GRID1: variants seen among roughly 807,000 people sequenced by gnomAD.
The protein encoded by GRID1 is glutamate ionotropic receptor delta type subunit 1, also known as glutamate receptor ionotropic, delta-1.
In GRID1, 28 loss-of-function variants were observed where a neutral mutation model predicts 98.0. That is an observed-to-expected ratio of 0.29 (90% confidence interval 0.21 to 0.39). The LOEUF (loss-of-function observed/expected upper bound fraction) is 0.39, where lower values mean the gene tolerates loss of function less well. Among genes scored for constraint, GRID1 ranks in the 10% least tolerant of loss-of-function variants. The pLI is 1.00. For missense variants in GRID1, 1,111 were observed against 1,340.5 expected (o/e 0.83, Z 2.67); for synonymous variants, 553 against 538.5 (o/e 1.03, Z -0.37).
intron 2 of GRID1, among the ~76,000 whole-genome samples, chr10:86,360,506 T>C (rs11201996): frequency 0.27 from 40,819 of 152,188 alleles, 6,355 homozygotes; most frequent in South Asian, 0.47. Context: ...ATTTCTTTTA[T>C]AATCAGGGAA....
chr10:85,679,981 G>A lies in GRID1; in HGVS notation c.1998-32584C>T, dbSNP rs370203384. ...CAGTCACGGAAAGAGTCCTGAGGCCGTGGGCAGGGCATCTCAGGCTCCTAT... is the reference window on the plus strand; with the variant it reads ...CAGTCACGGAAAGAGTCCTGAGGCCATGGGCAGGGCATCTCAGGCTCCTAT... On this transcript the variant is annotated intron_variant, in intron 12 of 15. Coordinates refer to ENST00000327946, the MANE Select transcript of GRID1 (RefSeq NM_017551.3). 9.9e-5 allele frequency among the ~76,000 whole-genome samples: 15 copies of A among 152,254 alleles called. No individual in the cohort carries two copies. The East Asian group carries it at 1.7e-3, about 18-fold the overall frequency.
At chr10:85,804,292 A>G (rs1842602827) in intron 8 of GRID1, among the ~76,000 whole-genome samples, 1 of 151,880 alleles carries the variant, frequency 6.6e-6, no homozygotes, top group East Asian at 1.9e-4. Flanking sequence ...AGTGAAAAAA[A>G]AAGTTTTGAG....
intron 13 of GRID1, among the ~76,000 whole-genome samples, chr10:85,639,961 A>G (rs1374900273): frequency 6.6e-6 from 1 of 152,256 alleles, no homozygotes; most frequent in Admixed American, 6.5e-5. Flanking sequence ...ACCTTGTGCT[A>G]CAATCGACAC....
chr10:85,952,138 C>T (rs1282139916), intron 4 of GRID1, among the ~76,000 whole-genome samples: 5 of 152,228 alleles, frequency 3.3e-5, no homozygotes, highest in African/African-American at 9.6e-5. Flanking sequence ...ACAGTGCCTA[C>T]ATGGGAATGG....
intron 8 of GRID1, among the ~76,000 whole-genome samples, chr10:85,731,909 AAG>A (rs1841829727): frequency 1.5e-5 from 2 of 129,226 alleles, no homozygotes; most frequent in African/African-American, 6.5e-5. Flanking sequence ...GGGAGAAAGA[AAG>A]AGAAAGAAAG....
chr10:85,695,896 T>C (rs1841387849), intron 12 of GRID1, among the ~76,000 whole-genome samples: 2 of 152,150 alleles, frequency 1.3e-5, no homozygotes, highest in Admixed American at 1.3e-4. Context: ...CGTGGCTTCC[T>C]AGCTATTATG....
chr10:85,860,436 G>C (rs1046098955), intron 6 of GRID1, among the ~76,000 whole-genome samples: 1 of 152,210 alleles, frequency 6.6e-6, no homozygotes, highest in African/African-American at 2.4e-5. Context: ...CCTGGAGCCA[G>C]GTCAGAGATG....
intron 4 of GRID1, among the ~76,000 whole-genome samples, chr10:85,923,480 G>A (rs1477528867): frequency 6.6e-6 from 1 of 152,180 alleles, no homozygotes; most frequent in Non-Finnish European, 1.5e-5. Context: ...TGGAGGGGAA[G>A]GCTGGTTGCA....
At chr10:86,255,296 A>G (rs1183390555) in intron 2 of GRID1, among the ~76,000 whole-genome samples, 1 of 152,278 alleles carries the variant, frequency 6.6e-6, no homozygotes. Context: ...GAAGCTGGAC[A>G]GAGAAGCTGT....
intron 3 of GRID1, among the ~76,000 whole-genome samples, chr10:86,183,777 G>A (rs7069009): frequency 0.29 from 44,253 of 152,160 alleles, 6,683 homozygotes; most frequent in East Asian, 0.48. Context: ...ATTTCTTTCA[G>A]GTAAATACCT....
chr10:85,786,155 A>G (rs1842427210), intron 8 of GRID1, among the ~76,000 whole-genome samples: 1 of 152,234 alleles, frequency 6.6e-6, no homozygotes, highest in South Asian at 2.1e-4. Context: ...TTTCCAAATT[A>G]CAGAGGCAGT....
Position 86,130,133 on chromosome 10 carries a change from G to C in GRID1, c.726+8686C>G, listed in dbSNP as rs868347716. On this transcript the variant is annotated intron_variant, in intron 4 of 15. Transcript: ENST00000327946. ...GCTGAGATCCAGTGAATCTAACCCA[G>C]GTCTGCTGACCACTAGGTTCATGAG... 7.2e-5 allele frequency among the ~76,000 whole-genome samples: 11 copies of C among 152,352 alleles called. No individual in the cohort carries two copies. The Middle Eastern group carries it at 0.014, about 188-fold the overall frequency.
intron 12 of GRID1, among the ~76,000 whole-genome samples, chr10:85,708,114 A>T (rs1442178358): frequency 0.046 from 2,838 of 61,234 alleles, 41 homozygotes; most frequent in Non-Finnish European, 0.061. Flanking sequence ...AAAGTATAAT[A>T]AAAAAAAAAA....
chr10:86,157,135 C>T (rs893745761), intron 3 of GRID1, among the ~76,000 whole-genome samples: 1 of 152,122 alleles, frequency 6.6e-6, no homozygotes, highest in Admixed American at 6.5e-5. Context: ...GAAGGAGGAA[C>T]AAGCTTAGGA....
chr10:85,920,613 C>T (rs1302602650), intron 4 of GRID1, among the ~76,000 whole-genome samples: 1 of 152,234 alleles, frequency 6.6e-6, no homozygotes, highest in Non-Finnish European at 1.5e-5. Context: ...ACCACCACCT[C>T]CATGTGCTCC....
At chr10:85,840,957 T>C (rs1159287601) in intron 8 of GRID1, among the ~76,000 whole-genome samples, 1 of 152,100 alleles carries the variant, frequency 6.6e-6, no homozygotes, top group Non-Finnish European at 1.5e-5. Context: ...TAACCTACTA[T>C]TGAGATTCTT....
At chr10:85,852,026 G>A (rs749630950) in intron 8 of GRID1, among the ~76,000 whole-genome samples, 14 of 151,568 alleles carry the variant, frequency 9.2e-5, no homozygotes, top group African/African-American at 2.4e-4. Context: ...CCCATGATAC[G>A]GTCCTAATCC....
intron 2 of GRID1, among the ~76,000 whole-genome samples, chr10:86,337,383 C>T (rs1303130854): frequency 2.6e-5 from 4 of 152,124 alleles, no homozygotes; most frequent in South Asian, 2.1e-4. Context: ...GTCTGTAGCC[C>T]GGGCCTTCCC....
At position 85,883,508 on chromosome 10, in the gene GRID1, C is replaced by G. The variant is rs199500682; in HGVS notation, c.781-14328G>C. ...TCTCTCTCTGTCTCTCTCTCTCTCT[C>G]TGTCTCTCTCTCTCTCTCTCTGTCT... On this transcript the variant is annotated intron_variant, in intron 5 of 15. Coordinates refer to ENST00000327946, the MANE Select transcript of GRID1 (RefSeq NM_017551.3). Among the ~76,000 whole-genome samples the G allele has an allele frequency of 3.9e-4, 56 of 141,830 alleles. 1 individual carries two copies. In the East Asian group the frequency reaches 8.0e-3, roughly 20 times the overall value. The allele number at this position is 141,830 out of a possible 152,430, so 93.0% of individuals were successfully genotyped here.
Sources: gnomAD v4.1 joint callset for allele counts (sites outside exome capture counted in the v4.1 genomes callset) on GRCh38, gnomAD v4.1.1 for gene constraint, MANE v1.5 for transcripts, NCBI Gene and HGNC (gene_info 2026-07-23, HGNC 2026-07-21) for gene names.